COL24A1: variants seen among roughly 807,000 people sequenced by gnomAD.
The protein encoded by COL24A1 is collagen alpha-1(XXIV) chain.
A neutral mutation model predicts 253.9 loss-of-function variants in COL24A1; 224 were observed. The ratio of observed to expected loss-of-function variants is 0.88; its 90% CI spans 0.79 to 0.99. COL24A1 has a LOEUF of 0.99. Among genes scored for constraint, COL24A1 ranks in the 50% least tolerant of loss-of-function variants. The pLI, the probability that COL24A1 is intolerant of heterozygous loss-of-function variation, is 0.00. For missense variants in COL24A1, 2,131 were observed against 2,068.5 expected, an observed-to-expected ratio of 1.03 and a Z score of -0.59; for synonymous variants, 685 against 673.7, an observed-to-expected ratio of 1.02 and a Z score of -0.26.
At chr1:85,881,375 T>C (rs914523107) in intron 32 of COL24A1, among the ~76,000 whole-genome samples, 74 of 152,220 alleles carry the variant, frequency 4.9e-4, no homozygotes, top group African/African-American at 1.5e-3. Context: ...TGTGGAAATA[T>C]TGGGAGGCCG....
intron 5 of COL24A1, among the ~76,000 whole-genome samples, chr1:86,100,512 A>G (rs1254910003): frequency 1.3e-5 from 2 of 152,124 alleles, no homozygotes; most frequent in African/African-American, 2.4e-5. Context: ...CCTGGCATAG[A>G]GCTCCTAAAC....
chr1:86,101,924 C>T (rs907375014), intron 5 of COL24A1, among the ~76,000 whole-genome samples: 1 of 151,874 alleles, frequency 6.6e-6, no homozygotes, highest in Non-Finnish European at 1.5e-5. Flanking sequence ...AGTCCTTCCT[C>T]CTCAAATTTT....
chr1:86,001,911 C>A (rs1226281663), intron 19 of COL24A1, among the ~76,000 whole-genome samples: 1 of 152,080 alleles, frequency 6.6e-6, no homozygotes, highest in African/African-American at 2.4e-5. Flanking sequence ...AACCTGATGT[C>A]TGGGAAAAAA....
chr1:85,991,940 T>TAG (rs1343424387), intron 19 of COL24A1, among the ~76,000 whole-genome samples: 1 of 151,958 alleles, frequency 6.6e-6, no homozygotes, highest in East Asian at 1.9e-4. Flanking sequence ...CTTTAAGTTT[T>TAG]AGAGTACATG....
intron 52 of COL24A1, among the ~76,000 whole-genome samples, chr1:85,780,968 A>G (rs975385056): frequency 6.6e-6 from 1 of 152,076 alleles, no homozygotes; most frequent in Admixed American, 6.6e-5. Context: ...CTATGTTTAT[A>G]ACACTCTCCC....
At chr1:85,747,147 T>C (rs1368993614) in intron 55 of COL24A1, among the ~76,000 whole-genome samples, 2 of 148,972 alleles carry the variant, frequency 1.3e-5, no homozygotes, top group African/African-American at 4.9e-5. Context: ...AGTCTCGCTC[T>C]GTCACCCAGG....
At chr1:85,807,101 G>A (rs1420865893) in intron 47 of COL24A1, among the ~76,000 whole-genome samples, 1 of 152,194 alleles carries the variant, frequency 6.6e-6, no homozygotes, top group East Asian at 1.9e-4. Flanking sequence ...CCTGGCTTGT[G>A]GAGGCAGCCC....
intron 58 of COL24A1, chr1:85,736,315 G>C (rs1456339053): frequency 2.2e-6 from 1 of 456,210 alleles, no homozygotes; most frequent in Middle Eastern, 3.3e-4. Flanking sequence ...AATTAGAGAA[G>C]TGATTTGGTC....
intron 5 of COL24A1, among the ~76,000 whole-genome samples, chr1:86,097,679 CCTT>C (rs1329317805): frequency 2.0e-5 from 3 of 149,524 alleles, no homozygotes; most frequent in Non-Finnish European, 4.5e-5. Flanking sequence ...TCCTCCTCCT[CCTT>C]CTTCTTCCTC....
intron 3 of COL24A1, among the ~76,000 whole-genome samples, chr1:86,119,348 G>T (rs368407193): frequency 2.0e-5 from 3 of 146,430 alleles, no homozygotes; most frequent in Admixed American, 6.8e-5. Flanking sequence ...CCACTTTTTT[G>T]ATTATGATAA....
intron 12 of COL24A1, among the ~76,000 whole-genome samples, chr1:86,043,822 G>A (rs763477239): frequency 1.3e-5 from 2 of 152,080 alleles, no homozygotes; most frequent in African/African-American, 2.4e-5. Flanking sequence ...CACCATGCCC[G>A]GCTCAAACTT....
chr1:86,141,353 A>C (rs541801659), intron 2 of COL24A1, among the ~76,000 whole-genome samples: 6 of 152,336 alleles, frequency 3.9e-5, no homozygotes, highest in African/African-American at 1.4e-4. Flanking sequence ...TCCAGACTAA[A>C]GGAGACCAAA....
chr1:86,022,471 TA>T (rs1207142824), intron 17 of COL24A1, 66 bp downstream of exon 17: 1 of 1,407,928 alleles, frequency 7.1e-7, no homozygotes, highest in Non-Finnish European at 9.9e-7. Context: ...GATAAAATAA[TA>T]AGCAGTTCTT....
intron 28 of COL24A1, among the ~76,000 whole-genome samples, chr1:85,898,227 C>G (rs1395705188): frequency 3.9e-5 from 6 of 152,194 alleles, no homozygotes; most frequent in Non-Finnish European, 5.9e-5. Flanking sequence ...GGACAACATA[C>G]AGATTTGAAG....
chr1:86,036,877 GT>G (rs1699076138), intron 12 of COL24A1, among the ~76,000 whole-genome samples: 2 of 152,102 alleles, frequency 1.3e-5, no homozygotes, highest in Admixed American at 6.6e-5. Context: ...ATCAAATTGT[GT>G]TTTCCTAAAA....
chr1:85,743,531 C>T (rs1464263580), intron 57 of COL24A1, among the ~76,000 whole-genome samples: 1 of 152,088 alleles, frequency 6.6e-6, no homozygotes, highest in Non-Finnish European at 1.5e-5. Context: ...TTATGATATC[C>T]TAGTGATGAA....
At chr1:85,897,159 C>A (rs1315957277) in intron 28 of COL24A1, among the ~76,000 whole-genome samples, 2 of 152,036 alleles carry the variant, frequency 1.3e-5, no homozygotes, top group African/African-American at 4.8e-5. Flanking sequence ...GAACAGAAAA[C>A]CAAACACCGC....
intron 54 of COL24A1, 51 bp downstream of exon 54, chr1:85,761,480 G>T: frequency 1.9e-6 from 3 of 1,613,606 alleles, no homozygotes; most frequent in Non-Finnish European, 2.5e-6. Flanking sequence ...CTTAAACCAG[G>T]CAAACATATA....
chr1:86,144,269 T>C (rs1199729548), intron 2 of COL24A1, among the ~76,000 whole-genome samples: 1 of 152,142 alleles, frequency 6.6e-6, no homozygotes, highest in Non-Finnish European at 1.5e-5. Flanking sequence ...TTCTTTCATT[T>C]ATTCCTTTTG....
Sources: allele counts gnomAD v4.1 joint callset (sites outside exome capture counted in the v4.1 genomes callset), GRCh38; gene constraint gnomAD v4.1.1; transcripts MANE v1.5; gene names NCBI Gene and HGNC (gene_info 2026-07-23, HGNC 2026-07-21).